The following EEF1AKMT4 variants were observed in gnomAD, a reference collection of about 807,000 sequenced individuals.
EEF1AKMT4 encodes the protein EEF1A lysine methyltransferase 4.
EEF1AKMT4 carries 17 observed loss-of-function variants against 23.0 expected under a neutral mutation model. That is an observed-to-expected ratio of 0.74 (90% CI 0.51 to 1.11). The LOEUF is 1.11. EEF1AKMT4 is among the 50% of genes least tolerant of loss of function. The pLI, the probability that EEF1AKMT4 is intolerant of heterozygous loss-of-function variation, is 0.00. For synonymous variants in EEF1AKMT4, 140 were observed against 141.4 expected, an observed-to-expected ratio of 0.99 and a Z score of 0.07; for missense variants, 318 against 333.4, an observed-to-expected ratio of 0.95 and a Z score of 0.36.
At position 184,249,717 on chromosome 3, in the gene EEF1AKMT4, G is replaced by A. The variant is rs1719426524; in HGVS notation, c.23G>A (p.Arg8Lys). Residue 8 changes from arginine (R) to lysine (K), a missense_variant, in exon 1 of 3, where the codon AGG (arginine) becomes AAG (lysine). Transcript: ENST00000324557. ...AGCATGGCCTCTCCAGGGGCAGGTA[G>A]GGCGCCTCCGGAGTTACCGGAGCGG... MASPGAG[R>K]APPELPERNC... 1 of 1,609,996 alleles carries A rather than the reference G, an allele frequency of 6.2e-7. No individual in the cohort carries two copies.
chr3:184,256,675 T>C (rs979291575), intron 1 of EEF1AKMT4, among the ~76,000 whole-genome samples: 2 of 151,980 alleles, frequency 1.3e-5, no homozygotes, highest in African/African-American at 2.4e-5. Flanking sequence ...TCTTTTTTTT[T>C]TTTTCTTTTT....
intron 1 of EEF1AKMT4, 27 bp downstream of exon 1, chr3:184,249,917 A>T (rs1238985995): frequency 2.5e-6 from 4 of 1,599,008 alleles, no homozygotes; most frequent in South Asian, 1.1e-5. Context: ...CGGCCCCGCC[A>T]GGTAGAGCTG....
Position 184,249,885 on chromosome 3 carries a change from T to A in EEF1AKMT4, c.191T>A (p.Val64Glu). The A allele has an allele frequency of 1.9e-6, 3 of 1,608,356 alleles. No individual in the cohort carries two copies. Among genetic ancestry groups the A allele is most frequent in the Non-Finnish European group, 2.6e-6 (3 of 1,176,110 alleles). The change falls in exon 1 of 3, where the codon GTG (valine) becomes GAG (glutamate). Residue 64 changes from valine (V) to glutamate (E), a missense_variant. Physicochemically the swap from Val to Glu is moderately radical, Grantham distance 121. Coordinates refer to ENST00000324557, the MANE Select transcript of EEF1AKMT4 (RefSeq NM_032331.4). ...CTGCGGCCCGAGGACCGTATCCTTG[T>A]GCTAGGTGGGTAATCCCGGCGCGGC... ...PELRPEDRIL[V>E]LGCGNSALSY...
chr3:184,258,297 G>C lies in EEF1AKMT4; in HGVS notation c.490G>C (p.Val164Leu), dbSNP rs369283500. The change falls in exon 3 of 3, where the codon GTG (valine) becomes CTG (leucine). Residue 164 changes from valine to leucine, a missense_variant. Val to Leu is a conservative substitution (Grantham distance 32). Coordinates refer to ENST00000324557, the MANE Select transcript of EEF1AKMT4 (RefSeq NM_032331.4). ...VDQVLSEVSR[V>L]LVPGGRFISM... is the part of the protein sequence containing the mutation. ...TCTGTCTGCCTTGCAGGTGAGCCGC[G>C]TGCTTGTCCCTGGAGGCCGGTTTAT... 6.2e-6 allele frequency: 10 copies of C among 1,611,212 alleles called. No homozygotes were observed. Among genetic ancestry groups the C allele is most frequent in the Non-Finnish European group, 7.6e-6 (9 of 1,178,274 alleles).
chr3:184,257,585 T>C lies in EEF1AKMT4; in HGVS notation c.309T>C (p.His103=), dbSNP rs1417878542. The C allele has an allele frequency of 6.2e-7, 1 of 1,614,196 alleles. No individual in the cohort carries two copies. Among genetic ancestry groups the C allele is most frequent in the South Asian group, 1.1e-5 (1 of 91,092 alleles). The change falls in exon 2 of 3, where the codon CAT becomes CAC. Residue 103 remains histidine, a synonymous_variant. Coordinates refer to ENST00000324557, the MANE Select transcript of EEF1AKMT4 (RefSeq NM_032331.4). ...VVAAMQARHA[H]VPQLRWETMD... is the part of the protein sequence containing the mutation. ...CTGCCATGCAGGCTCGCCATGCCCA[T>C]GTGCCGCAGCTGCGCTGGGAGACCA... is the stretch of plus-strand genomic sequence containing the variant.
At chr3:184,250,175 G>A (rs554952874) in intron 1 of EEF1AKMT4, among the ~76,000 whole-genome samples, 33 of 152,366 alleles carry the variant, frequency 2.2e-4, no homozygotes, top group Admixed American at 4.6e-4. Context: ...CAGCCTTGGG[G>A]ACCGGATTGC....
rs778839368 is a variant in EEF1AKMT4, at chr3:184,257,489, C to G, written c.213C>G (p.Ala71=). The G allele has an allele frequency of 6.2e-7, 1 of 1,605,570 alleles. No homozygotes were observed. Among genetic ancestry groups the G allele is most frequent in the Admixed American group, 1.7e-5 (1 of 59,864 alleles). The change falls in exon 2 of 3, where the codon GCC becomes GCG. Residue 71 remains alanine, a synonymous_variant. Transcript: ENST00000324557. ...CCACCCCAGGTTGCGGGAACAGTGC[C>G]CTGAGCTACGAGCTGTTCCTCGGAG... The part of the protein sequence containing the change: ...RILVLGCGNS[A]LSYELFLGGF...
At chr3:184,250,904 A>T (rs868540079) in intron 1 of EEF1AKMT4, among the ~76,000 whole-genome samples, 5 of 150,008 alleles carry the variant, frequency 3.3e-5, no homozygotes, top group East Asian at 2.0e-4. Flanking sequence ...ACCAACATGG[A>T]GAAACCCCAT....
intron 1 of EEF1AKMT4, among the ~76,000 whole-genome samples, chr3:184,254,277 T>C (rs1416102658): frequency 1.3e-5 from 2 of 152,076 alleles, no homozygotes; most frequent in African/African-American, 4.8e-5. Flanking sequence ...TGTAGGAATC[T>C]TCTTGTTTTT....
At position 184,257,666 on chromosome 3, in the gene EEF1AKMT4, G is replaced by C; in HGVS notation, c.390G>C (p.Lys130Asn). The C allele has an allele frequency of 6.2e-7, 1 of 1,614,190 alleles. No homozygotes were observed. The highest frequency in any genetic ancestry group is 8.5e-7 in the Non-Finnish European group (1 of 1,180,046). Residue 130 changes from lysine (K) to asparagine (N), a missense_variant, in exon 2 of 3, where the codon AAG (lysine) becomes AAC (asparagine). Lys to Asn is a moderately conservative substitution (Grantham distance 94, BLOSUM62 0). Coordinates refer to ENST00000324557, the MANE Select transcript of EEF1AKMT4 (RefSeq NM_032331.4). ...PSASFDVVLE[K>N]GTLDALLAGE... ...CTTCTTTTGATGTGGTGCTCGAGAA[G>C]GGCACGCTGGATGCCCTGCTGGCTG...
intron 1 of EEF1AKMT4, among the ~76,000 whole-genome samples, chr3:184,251,489 C>T (rs533520257): frequency 1.3e-5 from 2 of 151,896 alleles, no homozygotes; most frequent in East Asian, 1.9e-4. Flanking sequence ...GCTGAGATTG[C>T]ACCACTCCAC....
intron 2 of EEF1AKMT4, among the ~76,000 whole-genome samples, chr3:184,257,964 G>A (rs1030432009): frequency 2.6e-5 from 4 of 152,170 alleles, no homozygotes; most frequent in Non-Finnish European, 5.9e-5. Flanking sequence ...CACAAAGGCT[G>A]ACATGTGGTT....
chr3:184,254,027 G>A (rs1241058151), intron 1 of EEF1AKMT4, among the ~76,000 whole-genome samples: 2 of 152,116 alleles, frequency 1.3e-5, no homozygotes, highest in Non-Finnish European at 2.9e-5. Context: ...TCTTATAAAT[G>A]CTTAACATAG....
rs751156240 is a variant in EEF1AKMT4, at chr3:184,258,345, C to T, written c.538C>T (p.His180Tyr). The T allele has an allele frequency of 1.1e-5, 18 of 1,613,754 alleles. No homozygotes were observed. In the East Asian group the frequency reaches 3.6e-4, roughly 32 times the overall value. Residue 180 changes from histidine (H) to tyrosine (Y), a missense_variant, in exon 3 of 3, where the codon CAC (histidine) becomes TAC (tyrosine). By Grantham distance (83) the His-to-Tyr change is moderately conservative. Transcript: ENST00000324557. ...RFISMTSAAP[H>Y]FRTRHYAQAY... ...TATCTCAATGACTTCTGCTGCCCCC[C>T]ACTTTCGGACCAGACACTATGCCCA...
intron 1 of EEF1AKMT4, among the ~76,000 whole-genome samples, chr3:184,251,085 CAAA>C (rs57069077): frequency 7.1e-5 from 5 of 70,888 alleles, no homozygotes; most frequent in Non-Finnish European, 1.1e-4. Context: ...AACTCTGTCT[CAAA>C]AAAAAAAAAA....
chr3:184,252,946 CAAAAA>C (rs563455729), intron 1 of EEF1AKMT4, among the ~76,000 whole-genome samples: 7 of 45,400 alleles, frequency 1.5e-4, no homozygotes, highest in African/African-American at 1.6e-4. Context: ...AACTCCATCT[CAAAAA>C]AAAAAAAAAA....
intron 1 of EEF1AKMT4, among the ~76,000 whole-genome samples, chr3:184,257,080 C>T (rs758561135): frequency 1.3e-5 from 2 of 151,534 alleles, no homozygotes; most frequent in Admixed American, 6.6e-5. Flanking sequence ...CGTGGTGGCA[C>T]GCGCCTGTAA....
At chr3:184,256,282 AAAAAAAAAG>A (rs537803617) in intron 1 of EEF1AKMT4, among the ~76,000 whole-genome samples, 2,111 of 151,110 alleles carry the variant, frequency 0.014, 32 homozygotes, top group Non-Finnish European at 0.022. Flanking sequence ...CAAAAAAAAA[AAAAAAAAAG>A]AAAAGAAAAG....
intron 1 of EEF1AKMT4, among the ~76,000 whole-genome samples, chr3:184,255,685 C>T (rs1719768020): frequency 6.6e-6 from 1 of 152,226 alleles, no homozygotes; most frequent in African/African-American, 2.4e-5. Context: ...ATCCCTTCTC[C>T]ATCCTGACCC....
Sources: gnomAD v4.1 joint callset for allele counts (sites outside exome capture counted in the v4.1 genomes callset) on GRCh38, gnomAD v4.1.1 for gene constraint, MANE v1.5 for transcripts, NCBI Gene and HGNC (gene_info 2026-07-23, HGNC 2026-07-21) for gene names.